The following STK26 variants were observed in gnomAD, a reference collection of about 807,000 sequenced individuals.
The protein encoded by STK26 is serine/threonine kinase 26.
A neutral mutation model predicts 34.7 loss-of-function variants in STK26; 14 were observed. That is an observed-to-expected ratio of 0.40 (90% CI 0.27 to 0.63). The LOEUF (loss-of-function observed/expected upper bound fraction) is 0.63. Ranked by LOEUF, STK26 falls within the 30% of genes least tolerant of loss-of-function variation. The probability of loss-of-function intolerance (pLI) is 0.38; values close to 1 mark genes in which losing one functional copy is unlikely to be tolerated. For missense variants in STK26, 226 were observed against 309.1 expected, an observed-to-expected ratio of 0.73 and a Z score of 2.02; for synonymous variants, 100 against 109.8, an observed-to-expected ratio of 0.91 and a Z score of 0.56.
intron 2 of STK26, among the ~76,000 whole-genome samples, chrX:132,054,375 A>T (rs1250967339): frequency 8.9e-6 from 1 of 112,055 alleles, no homozygotes; most frequent in Non-Finnish European, 1.9e-5. Context: ...CATGCACTGG[A>T]TATATTTGCT....
chrX:132,024,751 G>GTT (rs200767685), intron 2 of STK26, among the ~76,000 whole-genome samples: 29 of 95,824 alleles, frequency 3.0e-4, no homozygotes, highest in African/African-American at 7.6e-4. Flanking sequence ...GATACATGGA[G>GTT]TTTTTTTTTT....
rs982540320 is a variant in STK26, at chrX:132,074,314, C to T, written c.*155C>T. 4.4e-6 allele frequency: 2 copies of T among 451,025 alleles called. No individual in the cohort carries two copies. The highest frequency in any genetic ancestry group is 7.3e-6 in the Non-Finnish European group (2 of 275,206). The allele number at this position is 451,025 out of a possible 1,213,427, so 37.2% of individuals were successfully genotyped here. ...AAGCTATTAAACTATTTTGTGATGG[C>T]GTTTATCATTTTATATTTTGAAAGG... On this transcript the variant is annotated 3_prime_UTR_variant, in exon 12 of 12. Coordinates refer to ENST00000394334, the MANE Select transcript of STK26 (RefSeq NM_016542.4).
At chrX:132,054,941 G>A (rs1926806674) in intron 3 of STK26, 80 bp downstream of exon 3, 1 of 880,270 alleles carries the variant, frequency 1.1e-6, no homozygotes, top group African/African-American at 2.0e-5. Flanking sequence ...GAAAGGCAAT[G>A]TCTTAAATTA....
intron 3 of STK26, among the ~76,000 whole-genome samples, chrX:132,058,699 G>A (rs17250957): frequency 0.019 from 2,107 of 111,320 alleles, 20 homozygotes; most frequent in Non-Finnish European, 0.029. Flanking sequence ...AGTGTACTCA[G>A]ACCAGCCAGT....
At chrX:132,040,510 T>C (rs1926224799) in intron 2 of STK26, among the ~76,000 whole-genome samples, 1 of 112,161 alleles carries the variant, frequency 8.9e-6, no homozygotes, top group Non-Finnish European at 1.9e-5. Flanking sequence ...GAATGATAAA[T>C]TACATTTATA....
intron 2 of STK26, among the ~76,000 whole-genome samples, chrX:132,041,977 C>T (rs1926283012): frequency 8.9e-6 from 1 of 111,747 alleles, no homozygotes; most frequent in Non-Finnish European, 1.9e-5. Context: ...TTAAAAGATT[C>T]AACTCATTAG....
rs1349599597 is a variant in STK26, at chrX:132,074,242, G to A, written c.*83G>A. ...TCAAGATTAACAATGCTTAACCCAT[G>A]AGCTCCATGTGCCTTTTGGATCTTT... is the stretch of plus-strand genomic sequence containing the variant. On this transcript the variant is annotated 3_prime_UTR_variant, in exon 12 of 12. Coordinates refer to ENST00000394334, the MANE Select transcript of STK26 (RefSeq NM_016542.4). The A allele has an allele frequency of 2.1e-6, 2 of 968,713 alleles. No individual in the cohort carries two copies. The highest frequency in any genetic ancestry group is 1.4e-6 in the Non-Finnish European group (1 of 702,976). 79.8% of individuals were successfully genotyped at this position (968,713 alleles called of 1,213,427 possible).
Position 132,072,271 on chromosome X carries a change from A to G in STK26, c.936A>G (p.Glu312=). 8.3e-7 allele frequency: 1 copy of G among 1,204,711 alleles called. No individual in the cohort carries two copies. The highest frequency in any genetic ancestry group is 2.3e-4 in the Middle Eastern group (1 of 4,333). The part of the protein sequence containing the change: ...DESDSEGSDS[E]STSRENNTHP... ...GTATCTTTGGCAATCTCTTTAGGGA[A>G]TCTACCAGCAGGGAAAACAATACTC... is the stretch of plus-strand genomic sequence containing the variant. The change falls in exon 9 of 12, where the codon GAA becomes GAG. Residue 312 remains glutamate (E), a synonymous_variant. Transcript: ENST00000394334.
chrX:132,031,926 G>A (rs1258493501), intron 2 of STK26, among the ~76,000 whole-genome samples: 2 of 111,593 alleles, frequency 1.8e-5, no homozygotes, highest in Middle Eastern at 4.6e-3. Flanking sequence ...CTCTACCCAC[G>A]ATCCCCTTTG....
chrX:132,023,906 G>T (rs1234051549), intron 2 of STK26, among the ~76,000 whole-genome samples: 1 of 112,118 alleles, frequency 8.9e-6, no homozygotes, highest in African/African-American at 3.2e-5. Context: ...AGGGCGGTTG[G>T]GGGTATAAAA....
chrX:132,071,682 A>C (rs1008707299), intron 8 of STK26, among the ~76,000 whole-genome samples: 5 of 111,775 alleles, frequency 4.5e-5, no homozygotes, highest in Non-Finnish European at 9.4e-5. Context: ...TTTCTTGAAA[A>C]AGTTGTAGGG....
intron 3 of STK26, among the ~76,000 whole-genome samples, chrX:132,061,003 T>G (rs754270783): frequency 2.4e-4 from 27 of 112,236 alleles, no homozygotes; most frequent in Middle Eastern, 4.6e-3. Flanking sequence ...TGGTATATAC[T>G]ACTTTGTAAA....
At chrX:132,062,309 A>G (rs775622787) in intron 3 of STK26, among the ~76,000 whole-genome samples, 4 of 112,077 alleles carry the variant, frequency 3.6e-5, no homozygotes, top group Admixed American at 2.8e-4. Flanking sequence ...TATTTAAGCT[A>G]TAGCTAAAAT....
intron 2 of STK26, among the ~76,000 whole-genome samples, chrX:132,037,769 CTTTTTTTTTTT>C (rs755403402): frequency 3.9e-5 from 2 of 51,867 alleles, no homozygotes; most frequent in African/African-American, 1.8e-4. Context: ...CGGAGAGCTG[CTTTTTTTTTTT>C]TTTTTTTTTT....
intron 7 of STK26, among the ~76,000 whole-genome samples, 162 bp downstream of exon 7, chrX:132,069,825 C>A (rs1211190701): frequency 4.5e-5 from 5 of 110,972 alleles, no homozygotes; most frequent in Non-Finnish European, 7.5e-5. Context: ...CTATTGAGTT[C>A]TTAACCAGAT....
chrX:132,058,735 C>T (rs998820446), intron 3 of STK26, among the ~76,000 whole-genome samples: 2 of 111,504 alleles, frequency 1.8e-5, no homozygotes, highest in Non-Finnish European at 3.8e-5. Flanking sequence ...TCCAAGATAG[C>T]TTCTTAAGGG....
At chrX:132,069,003 T>C (rs753758352) in intron 6 of STK26, among the ~76,000 whole-genome samples, 57 of 110,660 alleles carry the variant, frequency 5.2e-4, no homozygotes, top group Non-Finnish European at 9.5e-4. Flanking sequence ...TTTGCTTAAA[T>C]ATCACCTACG....
At chrX:132,062,608 C>T (rs983837988) in intron 3 of STK26, among the ~76,000 whole-genome samples, 2 of 112,180 alleles carry the variant, frequency 1.8e-5, no homozygotes, top group Middle Eastern at 4.6e-3. Context: ...GTTTGAAGTA[C>T]ATCAAAACAA....
chrX:132,074,509 A>G lies in STK26; in HGVS notation c.*350A>G. 6.2e-6 allele frequency: 1 copy of G among 160,931 alleles called. No individual in the cohort carries two copies. The highest frequency in any genetic ancestry group is 1.2e-5 in the Non-Finnish European group (1 of 84,885). 13.3% of individuals were successfully genotyped at this position (160,931 alleles called of 1,213,427 possible). On this transcript the variant is annotated 3_prime_UTR_variant, in exon 12 of 12. Transcript: ENST00000394334. Reference sequence around the variant, plus strand: ...CAGTCATGAAACATACAGGTCTTTCAAAGTCATTCTCAATATTCAGCTTTT... The same window carrying G: ...CAGTCATGAAACATACAGGTCTTTCGAAGTCATTCTCAATATTCAGCTTTT...
Sources: gnomAD v4.1 joint callset for allele counts (sites outside exome capture counted in the v4.1 genomes callset) on GRCh38, gnomAD v4.1.1 for gene constraint, MANE v1.5 for transcripts, NCBI Gene and HGNC (gene_info 2026-07-23, HGNC 2026-07-21) for gene names.